Variants in PRKN observed in about 807,000 individuals in gnomAD.
PRKN encodes E3 ubiquitin-protein ligase parkin.
Under a neutral mutation model 59.5 loss-of-function variants are expected in PRKN, and 56 were observed. The ratio of observed to expected loss-of-function variants is 0.94; its 90% CI spans 0.76 to 1.18. The LOEUF (loss-of-function observed/expected upper bound fraction) is 1.18. Among genes scored for constraint, PRKN ranks in the 50% most tolerant of loss-of-function variants. The pLI is 0.00. For synonymous variants in PRKN, 250 were observed against 222.1 expected (o/e 1.13, Z -1.12); for missense variants, 657 against 596.4 (o/e 1.10, Z -1.06).
intron 7 of PRKN, among the ~76,000 whole-genome samples, chr6:161,681,088 G>C (rs1481105890): frequency 3.3e-5 from 5 of 151,968 alleles, no homozygotes; most frequent in Non-Finnish European, 5.9e-5. Flanking sequence ...AGCCTCCCCA[G>C]TAGCTGGAAT....
At chr6:162,372,003 A>G (rs1785792897) in intron 2 of PRKN, among the ~76,000 whole-genome samples, 1 of 152,176 alleles carries the variant, frequency 6.6e-6, no homozygotes, top group Admixed American at 6.5e-5. Context: ...AAGCTCTTCA[A>G]GAAGATGGAG....
chr6:161,643,485 T>G (rs896775683), intron 7 of PRKN, among the ~76,000 whole-genome samples: 1 of 152,220 alleles, frequency 6.6e-6, no homozygotes, highest in Admixed American at 6.5e-5. Context: ...AATTCAATAG[T>G]GTTTACTCTC....
intron 5 of PRKN, among the ~76,000 whole-genome samples, chr6:161,975,318 G>A (rs1780986301): frequency 2.0e-5 from 3 of 151,966 alleles, no homozygotes; most frequent in South Asian, 2.1e-4. Flanking sequence ...TCCTGACCTC[G>A]TGATCTGCCT....
chr6:162,716,597 C>T (rs1032191023), intron 1 of PRKN, among the ~76,000 whole-genome samples: 23 of 152,178 alleles, frequency 1.5e-4, no homozygotes, highest in Non-Finnish European at 2.5e-4. Context: ...CTACAGGATA[C>T]AAATTAGCAA....
At chr6:162,173,204 A>G (rs1783367281) in intron 4 of PRKN, among the ~76,000 whole-genome samples, 1 of 152,164 alleles carries the variant, frequency 6.6e-6, no homozygotes, top group Admixed American at 6.5e-5. Flanking sequence ...TCCAGCTTCC[A>G]GCTGAAACTG....
intron 1 of PRKN, among the ~76,000 whole-genome samples, chr6:162,599,975 AAAATCTATTTTTAATTG>A (rs1781637079): frequency 6.6e-6 from 1 of 152,220 alleles, no homozygotes; most frequent in Non-Finnish European, 1.5e-5. Context: ...ACCAATTTTT[AAAATCTATTTTTAATTG>A]ATGTTTCATT....
chr6:162,044,151 C>G (rs1369536036), intron 5 of PRKN, among the ~76,000 whole-genome samples: 1 of 152,212 alleles, frequency 6.6e-6, no homozygotes, highest in Non-Finnish European at 1.5e-5. Context: ...CTTCAAGATT[C>G]TCTTTTACTC....
chr6:162,021,614 G>A (rs1431777315), intron 5 of PRKN, among the ~76,000 whole-genome samples: 1 of 151,868 alleles, frequency 6.6e-6, no homozygotes, highest in South Asian at 2.1e-4. Context: ...GGATATTACT[G>A]TGCGTACAAA....
chr6:161,849,904 T>A (rs985246686), intron 6 of PRKN, among the ~76,000 whole-genome samples: 2 of 152,098 alleles, frequency 1.3e-5, no homozygotes, highest in South Asian at 2.1e-4. Context: ...CCTTTTACAC[T>A]CAGAAGATCC....
chr6:162,108,441 C>G (rs569308580), intron 4 of PRKN, among the ~76,000 whole-genome samples: 2 of 152,054 alleles, frequency 1.3e-5, no homozygotes, highest in Non-Finnish European at 2.9e-5. Context: ...TTTCAGAAAC[C>G]CTTTCCTTAG....
chr6:161,945,733 C>T (rs942221540), intron 6 of PRKN, among the ~76,000 whole-genome samples: 3 of 152,186 alleles, frequency 2.0e-5, no homozygotes, highest in African/African-American at 7.2e-5. Flanking sequence ...CAAAATCCCA[C>T]CTGCACTTCG....
At chr6:161,404,749 T>C (rs939382456) in intron 9 of PRKN, among the ~76,000 whole-genome samples, 1 of 152,234 alleles carries the variant, frequency 6.6e-6, no homozygotes, top group Admixed American at 6.5e-5. Flanking sequence ...GCATTTTCCA[T>C]GGGAAGGCTC....
intron 6 of PRKN, among the ~76,000 whole-genome samples, chr6:161,867,090 G>A (rs1278880016): frequency 6.6e-6 from 1 of 152,182 alleles, no homozygotes; most frequent in Admixed American, 6.5e-5. Flanking sequence ...TCTGGACAAG[G>A]AATACATGTT....
At chr6:162,509,618 T>C (rs963485782) in intron 1 of PRKN, among the ~76,000 whole-genome samples, 1 of 152,136 alleles carries the variant, frequency 6.6e-6, no homozygotes, top group African/African-American at 2.4e-5. Flanking sequence ...AAAGTGACAA[T>C]AGTCAAATAC....
chr6:162,421,185 T>A (rs1307951708), intron 2 of PRKN, among the ~76,000 whole-genome samples: 1 of 152,224 alleles, frequency 6.6e-6, no homozygotes, highest in African/African-American at 2.4e-5. Flanking sequence ...TTATGCACGA[T>A]GTTTATCAAT....
intron 7 of PRKN, among the ~76,000 whole-genome samples, chr6:161,715,811 T>TCTC (rs1562628158): frequency 6.6e-6 from 1 of 152,084 alleles, no homozygotes; most frequent in Non-Finnish European, 1.5e-5. Context: ...ACGGGAAGCT[T>TCTC]CTCAGTCCTC....
intron 1 of PRKN, among the ~76,000 whole-genome samples, chr6:162,712,061 A>T (rs754666729): frequency 6.6e-6 from 1 of 152,190 alleles, no homozygotes; most frequent in Non-Finnish European, 1.5e-5. Flanking sequence ...AAATGCTGGT[A>T]TGAGACAAGT....
chr6:162,162,107 G>A (rs1373783412), intron 4 of PRKN, among the ~76,000 whole-genome samples: 1 of 152,082 alleles, frequency 6.6e-6, no homozygotes, highest in Non-Finnish European at 1.5e-5. Flanking sequence ...TTTTGAGACA[G>A]AGTCTCACTC....
At chr6:161,453,053 C>G (rs1000123312) in intron 9 of PRKN, among the ~76,000 whole-genome samples, 1 of 152,136 alleles carries the variant, frequency 6.6e-6, no homozygotes, top group African/African-American at 2.4e-5. Context: ...TGTATTCAAT[C>G]GCATTTTTGA....
Sources: allele counts gnomAD v4.1 joint callset (sites outside exome capture counted in the v4.1 genomes callset), GRCh38; gene constraint gnomAD v4.1.1; transcripts MANE v1.5; gene names NCBI Gene and HGNC (gene_info 2026-07-23, HGNC 2026-07-21).